SUSD6: variants seen among roughly 807,000 people sequenced by gnomAD.
SUSD6 encodes the protein sushi domain containing 6.
In SUSD6, 16 loss-of-function variants were observed where a neutral mutation model predicts 28.4. The observed-to-expected ratio is 0.56, with a 90% CI of 0.38 to 0.86. The LOEUF (loss-of-function observed/expected upper bound fraction) is 0.86. Among genes scored for constraint, SUSD6 ranks in the 40% least tolerant of loss-of-function variants. The pLI is 0.00. For synonymous variants in SUSD6, 147 were observed against 159.6 expected (o/e 0.92, Z 0.59); for missense variants, 341 against 384.2 (o/e 0.89, Z 0.94).
At chr14:69,695,623 G>A (rs374132619) in intron 2 of SUSD6, among the ~76,000 whole-genome samples, 1 of 152,248 alleles carries the variant, frequency 6.6e-6, no homozygotes, top group Admixed American at 6.5e-5. Context: ...GCCTGACTCC[G>A]AGACCCTCTG....
intron 2 of SUSD6, among the ~76,000 whole-genome samples, chr14:69,660,874 G>A (rs530598766): frequency 1.1e-4 from 17 of 152,316 alleles, no homozygotes; most frequent in East Asian, 5.8e-4. Context: ...GAGTTGAGTC[G>A]TTATGACAAA....
At chr14:69,710,887 G>A (rs978992637) in intron 5 of SUSD6, 67 bp from the exon 6 acceptor site, 1 of 1,473,732 alleles carries the variant, frequency 6.8e-7, no homozygotes, top group Non-Finnish European at 9.5e-7. Context: ...AAGTTGCAGT[G>A]GGGTCGAGAG....
chr14:69,683,492 T>C (rs980099307), intron 2 of SUSD6, among the ~76,000 whole-genome samples: 3 of 152,086 alleles, frequency 2.0e-5, no homozygotes, highest in Non-Finnish European at 4.4e-5. Context: ...AGCACTAAGA[T>C]TGGGCCTTGC....
chr14:69,705,331 A>AAC (rs1886372984), intron 4 of SUSD6, among the ~76,000 whole-genome samples: 1 of 142,076 alleles, frequency 7.0e-6, no homozygotes, highest in Middle Eastern at 3.6e-3. Context: ...AAAAAAAAAA[A>AAC]ACAAAAAAAA....
At chr14:69,706,711 C>T (rs77382132) in intron 4 of SUSD6, among the ~76,000 whole-genome samples, 2,024 of 152,268 alleles carry the variant, frequency 0.013, 52 homozygotes, top group African/African-American at 0.046. Flanking sequence ...CTGCCCACCT[C>T]AGCCTCCTAA....
chr14:69,678,138 A>G (rs977388236), intron 2 of SUSD6, among the ~76,000 whole-genome samples: 4 of 152,034 alleles, frequency 2.6e-5, no homozygotes, highest in African/African-American at 7.2e-5. Flanking sequence ...TCCTGCTTCA[A>G]CAGTGTTTGG....
At chr14:69,685,757 A>G (rs1016061593) in intron 2 of SUSD6, among the ~76,000 whole-genome samples, 1 of 152,246 alleles carries the variant, frequency 6.6e-6, no homozygotes, top group Non-Finnish European at 1.5e-5. Context: ...GTGAGAGGGT[A>G]GAAGTAGTGG....
chr14:69,702,106 T>C (rs938023573), intron 2 of SUSD6, among the ~76,000 whole-genome samples: 24 of 151,678 alleles, frequency 1.6e-4, no homozygotes, highest in African/African-American at 5.6e-4. Flanking sequence ...TGACTCTCAG[T>C]CACTCCAGGC....
At chr14:69,705,603 A>G (rs1425102442) in intron 4 of SUSD6, among the ~76,000 whole-genome samples, 1 of 152,210 alleles carries the variant, frequency 6.6e-6, no homozygotes, top group Non-Finnish European at 1.5e-5. Context: ...AAAAACAAAT[A>G]TCAACACTTG....
chr14:69,703,656 C>A, intron 3 of SUSD6, 64 bp downstream of exon 3: 2 of 1,464,018 alleles, frequency 1.4e-6, no homozygotes, highest in Non-Finnish European at 9.5e-7. Flanking sequence ...TCACAGGATG[C>A]AAAGCATGCT....
intron 1 of SUSD6, among the ~76,000 whole-genome samples, chr14:69,619,055 A>G (rs1165007022): frequency 1.3e-5 from 2 of 152,216 alleles, no homozygotes; most frequent in African/African-American, 2.4e-5. Flanking sequence ...TGAAAGGGCT[A>G]GTGGAGAAGC....
chr14:69,613,581 G>A (rs556558389), intron 1 of SUSD6, among the ~76,000 whole-genome samples: 1 of 152,346 alleles, frequency 6.6e-6, no homozygotes, highest in Admixed American at 6.5e-5. Context: ...AGGTATTGCA[G>A]GTACTGCATT....
chr14:69,697,276 C>T lies in SUSD6; in HGVS notation c.122-6119C>T, dbSNP rs529425348. Reference sequence around the variant, plus strand: ...GTTTTGGTCGACTTCTCTGCCCAACCTGTTTTATTGGTGTGGTCTTTTGTG... The same window carrying T: ...GTTTTGGTCGACTTCTCTGCCCAACTTGTTTTATTGGTGTGGTCTTTTGTG... On this transcript the variant is annotated intron_variant, in intron 2 of 5. Transcript: ENST00000342745. Among the ~76,000 whole-genome samples the T allele has an allele frequency of 2.6e-5, 4 of 152,280 alleles. No homozygotes were observed. The South Asian group carries it at 8.3e-4, about 32-fold the overall frequency.
intron 1 of SUSD6, among the ~76,000 whole-genome samples, chr14:69,644,504 G>T (rs775634079): frequency 6.6e-6 from 1 of 152,138 alleles, no homozygotes; most frequent in African/African-American, 2.4e-5. Context: ...AGAAAAATTA[G>T]CTGGGCTTGG....
chr14:69,635,595 CCACACACACACACACACACACACA>C (rs3048696), intron 1 of SUSD6, among the ~76,000 whole-genome samples: 13,177 of 143,620 alleles, frequency 0.092, 755 homozygotes, highest in East Asian at 0.13. Flanking sequence ...CCAAGGCACA[CCACACACACACACACACACACACA>C]CACACACACA....
chr14:69,707,307 A>G (rs532146888), intron 4 of SUSD6, among the ~76,000 whole-genome samples: 2 of 152,288 alleles, frequency 1.3e-5, no homozygotes, highest in African/African-American at 2.4e-5. Context: ...TAGATGGTTC[A>G]GGGAAAAAAA....
chr14:69,660,566 C>T (rs926187077), intron 2 of SUSD6, among the ~76,000 whole-genome samples: 2 of 152,250 alleles, frequency 1.3e-5, no homozygotes, highest in Admixed American at 1.3e-4. Context: ...GAGGAGGCCT[C>T]TAGAAGTGCT....
chr14:69,710,985 G>A lies in SUSD6; in HGVS notation c.*6G>A. 1 of 1,613,986 alleles carries A rather than the reference G, an allele frequency of 6.2e-7. No individual in the cohort carries two copies. Among genetic ancestry groups the A allele is most frequent in the Admixed American group, 1.7e-5 (1 of 60,012 alleles). On this transcript the variant is annotated 3_prime_UTR_variant, in exon 6 of 6. Coordinates refer to ENST00000342745, the MANE Select transcript of SUSD6 (RefSeq NM_014734.4). The stretch of plus-strand genomic sequence containing the variant: ...CACTGTTGAAAGAAGCATGAGGGCA[G>A]CGGCCAGCCTTTCCTCTCTGCGAGG...
In SUSD6 at chr14:69,635,532, A is replaced by C. The variant is rs113956578; in HGVS notation, c.-80-22981A>C. Among the ~76,000 whole-genome samples the C allele has an allele frequency of 8.5e-4, 129 of 151,976 alleles. 1 individual carries two copies. The highest frequency in any genetic ancestry group is 3.0e-3 in the African/African-American group (123 of 41,458). On this transcript the variant is annotated intron_variant, in intron 1 of 5. Transcript: ENST00000342745. Reference sequence around the variant, plus strand: ...CCTTTCAGGAGGACATATTCTAAAGAGTTGTTTTTTGGGTGGAAGAGAAGG... The same window carrying C: ...CCTTTCAGGAGGACATATTCTAAAGCGTTGTTTTTTGGGTGGAAGAGAAGG...
Sources: allele counts gnomAD v4.1 joint callset (sites outside exome capture counted in the v4.1 genomes callset), GRCh38; gene constraint gnomAD v4.1.1; transcripts MANE v1.5; gene names NCBI Gene and HGNC (gene_info 2026-07-23, HGNC 2026-07-21).